MED26: variants seen among roughly 807,000 people sequenced by gnomAD.
MED26 encodes the protein mediator of RNA polymerase II transcription subunit 26.
Under a neutral mutation model 43.7 loss-of-function variants are expected in MED26, and 7 were observed. The observed-to-expected ratio is 0.16, with a 90% CI of 0.09 to 0.30. The LOEUF is 0.30. MED26 is among the 10% of genes least tolerant of loss of function. The pLI is 1.00. For synonymous variants in MED26, 375 were observed against 371.1 expected (o/e 1.01, Z -0.12); for missense variants, 784 against 840.6 (o/e 0.93, Z 0.83).
chr19:16,617,017 C>T (rs1027059025), intron 1 of MED26, among the ~76,000 whole-genome samples: 2 of 152,150 alleles, frequency 1.3e-5, no homozygotes, highest in African/African-American at 4.8e-5. Flanking sequence ...GATGCCACTT[C>T]CTACTTCCCA....
intron 1 of MED26, among the ~76,000 whole-genome samples, chr19:16,590,951 A>G (rs1234503234): frequency 2.0e-5 from 3 of 152,030 alleles, no homozygotes; most frequent in Non-Finnish European, 4.4e-5. Flanking sequence ...GACGCATGAG[A>G]ATCACTTGAA....
chr19:16,610,677 C>T (rs1315685227), intron 1 of MED26: 4 of 152,192 alleles, frequency 2.6e-5, no homozygotes, highest in Non-Finnish European at 5.9e-5. Context: ...AGGTTACAGG[C>T]GTGAGCCACC....
chr19:16,582,698 CA>C (rs1305583407), intron 1 of MED26, among the ~76,000 whole-genome samples: 2 of 152,080 alleles, frequency 1.3e-5, no homozygotes, highest in Non-Finnish European at 2.9e-5. Flanking sequence ...AGGCAGGCCA[CA>C]GGGGGAGGGC....
intron 2 of MED26, 122 bp downstream of exon 2, chr19:16,578,213 C>T (rs770103016): frequency 6.5e-6 from 6 of 929,742 alleles, no homozygotes; most frequent in African/African-American, 1.6e-5. Flanking sequence ...GAGGGCACAC[C>T]GCCTCTCTTG....
chr19:16,605,450 G>C (rs1426370539), intron 1 of MED26, among the ~76,000 whole-genome samples: 1 of 152,202 alleles, frequency 6.6e-6, no homozygotes, highest in Non-Finnish European at 1.5e-5. Flanking sequence ...CCAGGTGAAT[G>C]AACAACGCCC....
In MED26 at chr19:16,576,735, G is replaced by T. The variant is rs780231474; in HGVS notation, c.1095C>A (p.Pro365=). The change falls in exon 3 of 3, where the codon CCC becomes CCA. Residue 365 remains proline (P), a synonymous_variant. Coordinates refer to ENST00000263390, the MANE Select transcript of MED26 (RefSeq NM_004831.5). The surrounding 1 kb of genome is among the most constrained non-coding windows in gnomAD (Gnocchi z 6.8). ...GCKAGLSPAE[P]LLSRAGFSPD... ...GGGAAAAGCCTGCCCGGGACAGGAG[G>T]GGCTCGGCTGGGGACAGCCCTGCCT... 6 of 1,610,358 alleles carry T rather than the reference G, an allele frequency of 3.7e-6. No individual in the cohort carries two copies. The highest frequency in any genetic ancestry group is 5.1e-6 in the Non-Finnish European group (6 of 1,179,748).
At chr19:16,598,843 T>A (rs958340796) in intron 1 of MED26, among the ~76,000 whole-genome samples, 1 of 152,112 alleles carries the variant, frequency 6.6e-6, no homozygotes, top group African/African-American at 2.4e-5. Flanking sequence ...CAAATAATAA[T>A]GAGTTCACTG....
intron 1 of MED26, among the ~76,000 whole-genome samples, 182 bp downstream of exon 1, chr19:16,627,690 C>G (rs528498008): frequency 6.6e-6 from 1 of 152,234 alleles, no homozygotes; most frequent in African/African-American, 2.4e-5. Flanking sequence ...CCGAGCGCTG[C>G]CGGGCTGCCC....
rs183575634 is a variant in MED26 at position 16,602,634 on chromosome 19, T to C, written c.73-24225A>G. 6.6e-5 allele frequency among the ~76,000 whole-genome samples: 10 copies of C among 152,322 alleles called. No homozygotes were observed. The East Asian group carries it at 1.3e-3, about 21-fold the overall frequency. On this transcript the variant is annotated intron_variant, in intron 1 of 2. Coordinates refer to ENST00000263390, the MANE Select transcript of MED26 (RefSeq NM_004831.5). ...AGATGAATGAATAAGCCAAGTGTGA[T>C]ATATCTGAACAACAGGACAGTATTT... is the stretch of plus-strand genomic sequence containing the variant.
intron 1 of MED26, chr19:16,624,161 C>T (rs551282375): frequency 6.6e-6 from 1 of 152,004 alleles, no homozygotes; most frequent in South Asian, 2.1e-4. Flanking sequence ...CTCTGCTGTC[C>T]CTTCTAGGAT....
intron 1 of MED26, among the ~76,000 whole-genome samples, chr19:16,579,823 T>C (rs1447015195): frequency 6.6e-6 from 1 of 152,222 alleles, no homozygotes; most frequent in Admixed American, 6.5e-5. Flanking sequence ...CTTGCATTTT[T>C]TTCCAAAAAT....
Position 16,576,395 on chromosome 19 carries a change from C to T in MED26, c.1435G>A (p.Glu479Lys), listed in dbSNP as rs1444473505. 1 of 1,614,112 alleles carries T rather than the reference C, an allele frequency of 6.2e-7. No homozygotes were observed. Among genetic ancestry groups the T allele is most frequent in the Non-Finnish European group, 8.5e-7 (1 of 1,180,026 alleles). ...TGGATGATCTCGTTGCGTGACAGCT[C>T]CTTCCAGTTCGTCTGTTCGAAGGGG... ...QSPFEQTNWK[E>K]LSRNEIIQSY... Residue 479 changes from glutamate to lysine, a missense_variant, in exon 3 of 3, where the codon GAG becomes AAG. Glu to Lys is a moderately conservative substitution (Grantham distance 56). Transcript: ENST00000263390. This position sits in a 1 kb window ranked among gnomAD's most constrained non-coding sequence, Gnocchi z 6.8.
chr19:16,605,841 C>T (rs368814508), intron 1 of MED26, among the ~76,000 whole-genome samples: 2 of 152,180 alleles, frequency 1.3e-5, no homozygotes, highest in East Asian at 3.8e-4. Context: ...TGGAAATGAA[C>T]AGCTGAGGCT....
intron 1 of MED26, among the ~76,000 whole-genome samples, chr19:16,591,352 ATG>A (rs77387443): frequency 0.03 from 4,540 of 152,154 alleles, 170 homozygotes; most frequent in Admixed American, 0.084. Context: ...AATGCACACA[ATG>A]CACTCCCCAT....
intron 1 of MED26, among the ~76,000 whole-genome samples, chr19:16,579,643 C>T (rs1197578182): frequency 6.6e-6 from 1 of 152,202 alleles, no homozygotes; most frequent in South Asian, 2.1e-4. Flanking sequence ...GGTGGGCTGG[C>T]TAGCGGGTGG....
chr19:16,591,295 C>G (rs73516916), intron 1 of MED26, among the ~76,000 whole-genome samples: 2 of 151,986 alleles, frequency 1.3e-5, no homozygotes, highest in Non-Finnish European at 2.9e-5. Flanking sequence ...ATGACTGTCA[C>G]GCCTAGGATC....
intron 1 of MED26, among the ~76,000 whole-genome samples, chr19:16,594,136 A>T (rs2086110027): frequency 6.6e-6 from 1 of 152,232 alleles, no homozygotes; most frequent in South Asian, 2.1e-4. Context: ...GATTATCCAT[A>T]TAGTGGCGGC....
chr19:16,618,274 C>A (rs539373791), intron 1 of MED26, among the ~76,000 whole-genome samples: 13 of 152,126 alleles, frequency 8.5e-5, no homozygotes, highest in Non-Finnish European at 1.9e-4. Flanking sequence ...GGGTTCAGGC[C>A]ACCTGGACCG....
chr19:16,617,249 T>TG (rs2086230519), intron 1 of MED26, among the ~76,000 whole-genome samples: 1 of 152,018 alleles, frequency 6.6e-6, no homozygotes, highest in African/African-American at 2.4e-5. Context: ...ACGTGCCCCC[T>TG]CCCCATTCCA....
Sources: allele counts gnomAD v4.1 joint callset (sites outside exome capture counted in the v4.1 genomes callset), GRCh38; gene constraint gnomAD v4.1.1; non-coding constraint Gnocchi (gnomAD v3.1); transcripts MANE v1.5; gene names NCBI Gene and HGNC (gene_info 2026-07-23, HGNC 2026-07-21).